The following TADA3 variants were observed in gnomAD, a reference collection of about 807,000 sequenced individuals.
The protein encoded by TADA3 is transcriptional adaptor 3.
Under a neutral mutation model 43.2 loss-of-function variants are expected in TADA3, and 25 were observed. The ratio of observed to expected loss-of-function variants is 0.58; its 90% confidence interval spans 0.42 to 0.81. The LOEUF (loss-of-function observed/expected upper bound fraction) is 0.81, where lower values mean the gene tolerates loss of function less well. TADA3 is among the 30% of genes least tolerant of loss of function. The pLI is 0.00. For synonymous variants in TADA3, 235 were observed against 225.5 expected (o/e 1.04, Z -0.38); for missense variants, 441 against 567.8 (o/e 0.78, Z 2.27).
chr3:9,787,541 T>C, intron 4 of TADA3: 1 of 983,678 alleles, frequency 1.0e-6, no homozygotes, highest in Non-Finnish European at 1.5e-6. Context: ...CAAAAAGAAC[T>C]AAGACACACA....
intron 6 of TADA3, among the ~76,000 whole-genome samples, chr3:9,786,754 T>G (rs574432875): frequency 6.6e-6 from 1 of 152,352 alleles, no homozygotes; most frequent in Non-Finnish European, 1.5e-5. Flanking sequence ...TGTTTCATTT[T>G]GTAATCTCCA....
intron 2 of TADA3, among the ~76,000 whole-genome samples, chr3:9,790,783 A>G (rs185756876): frequency 3.3e-5 from 5 of 152,346 alleles, no homozygotes; most frequent in Admixed American, 1.3e-4. Context: ...AGGGAAACTG[A>G]CACTCAGAGA....
intron 1 of TADA3, among the ~76,000 whole-genome samples, chr3:9,791,803 C>A (rs537783766): frequency 6.6e-6 from 1 of 151,864 alleles, no homozygotes; most frequent in South Asian, 2.1e-4. Flanking sequence ...GCAATTTGAA[C>A]CCCGCTAGTC....
rs753170899 is a variant in TADA3 at position 9,787,333 on chromosome 3, G to A, written c.572C>T (p.Pro191Leu). ...EDEAEHYKIP[P>L]LGKHYSQRWA... ...GCGCTGGGAGTAGTGCTTCCCCAGG[G>A]GTGGGATCTGTGGAAAAGATGGCAC... The change falls in exon 5 of 9, where the codon CCC (proline) becomes CTC (leucine). Residue 191 changes from proline (P) to leucine (L), a missense_variant. Transcript: ENST00000301964. The A allele has an allele frequency of 6.2e-7, 1 of 1,609,164 alleles. No individual in the cohort carries two copies. Among genetic ancestry groups the A allele is most frequent in the East Asian group, 2.2e-5 (1 of 44,866 alleles).
At chr3:9,787,769 G>A in intron 4 of TADA3, 1 of 1,217,286 alleles carries the variant, frequency 8.2e-7, no homozygotes, top group South Asian at 1.3e-5. Context: ...GAAAGAGAGA[G>A]ATCAAAGTGT....
intron 8 of TADA3, chr3:9,781,733 T>G (rs2078470906): frequency 5.0e-6 from 2 of 397,444 alleles, no homozygotes; most frequent in Non-Finnish European, 1.0e-5. Context: ...GATGCTCAGG[T>G]CAGGGGCTGC....
At chr3:9,783,088 A>T (rs2078518129) in intron 8 of TADA3, 1 of 152,200 alleles carries the variant, frequency 6.6e-6, no homozygotes. Flanking sequence ...AGCAAATAAA[A>T]ATCACAGATC....
intron 4 of TADA3, 191 bp from the exon 5 acceptor site, chr3:9,787,531 C>T: frequency 1.0e-6 from 1 of 1,003,490 alleles, no homozygotes; most frequent in South Asian, 1.7e-5. Flanking sequence ...GAGACAGGTC[C>T]AAAAAGAACT....
intron 6 of TADA3, 140 bp from the exon 7 acceptor site, chr3:9,785,565 T>C: frequency 1.7e-6 from 1 of 596,940 alleles, no homozygotes; most frequent in Admixed American, 2.9e-5. Flanking sequence ...AGCCTTCCCA[T>C]ACCAATCCCA....
intron 6 of TADA3, among the ~76,000 whole-genome samples, chr3:9,785,923 C>G (rs1331037069): frequency 6.6e-6 from 1 of 151,158 alleles, no homozygotes; most frequent in Non-Finnish European, 1.5e-5. Context: ...CCTTCACACA[C>G]TCCTCCTTGT....
At position 9,780,104 on chromosome 3, in the gene TADA3, A is replaced by G. The variant is rs1056018364; in HGVS notation, c.*253T>C. On this transcript the variant is annotated 3_prime_UTR_variant, in exon 9 of 9. Transcript: ENST00000301964. ...GGTAAAGAGGGGAAGAGGAAGACCC[A>G]GAAACGAAGTCCCCTCCAACCCCAT... 7.6e-6 allele frequency: 3 copies of G among 392,900 alleles called. No homozygotes were observed. Among genetic ancestry groups the G allele is most frequent in the Admixed American group, 8.5e-5 (2 of 23,428 alleles). 24.3% of individuals were successfully genotyped at this position (392,900 alleles called of 1,614,324 possible).
At chr3:9,792,493 G>A, upstream of TADA3, 1 of 1,212,018 alleles carries the variant, frequency 8.3e-7, no homozygotes, top group Non-Finnish European at 1.0e-6. Flanking sequence ...CGGGCCCCTT[G>A]CAGTTGACGC....
At chr3:9,787,781 G>A in intron 4 of TADA3, 1 of 1,164,362 alleles carries the variant, frequency 8.6e-7, no homozygotes, top group South Asian at 1.3e-5. Context: ...TCAAAGTGTT[G>A]TGGCAGCACA....
In TADA3 at chr3:9,784,864, CA is replaced by C. The variant is rs56673103; in HGVS notation, c.920+451del. Among the ~76,000 whole-genome samples, 821 of 97,254 alleles carry C rather than the reference CA, an allele frequency of 8.4e-3. 5 individuals carry two copies. Among genetic ancestry groups the C allele is most frequent in the African/African-American group, 0.025 (642 of 25,908 alleles). 63.8% of individuals were successfully genotyped at this position (97,254 alleles called of 152,430 possible). ...AAACGACAAGAGCGAGACTCCATCT[CA>C]AAAAAAAAAAAAGAAAAAGAAAAAA... On this transcript the variant is annotated intron_variant, in intron 7 of 8. Coordinates refer to ENST00000301964, the MANE Select transcript of TADA3 (RefSeq NM_006354.5).
chr3:9,782,036 C>G lies in TADA3; in HGVS notation c.1107-1487G>C, dbSNP rs1339853597. ...ATTTTTAGTAGAGAAGGGGGTCTGA[C>G]TACATTGCCCAGGCTAGTTTCGAAC... On this transcript the variant is annotated intron_variant, in intron 8 of 8. Transcript: ENST00000301964. Among the ~76,000 whole-genome samples the G allele has an allele frequency of 5.4e-4, 82 of 151,942 alleles. 2 individuals are homozygous for G. Among genetic ancestry groups the G allele is most frequent in the Non-Finnish European group, 1.2e-4 (8 of 67,974 alleles).
In TADA3 at chr3:9,789,563, G is replaced by C. The variant is rs1298589632; in HGVS notation, c.510C>G (p.Val170=). 1 of 1,614,146 alleles carries C rather than the reference G, an allele frequency of 6.2e-7. No individual in the cohort carries two copies. The highest frequency in any genetic ancestry group is 1.1e-5 in the South Asian group (1 of 91,076). ...GCTTCAGTAACTCCTCAAGTGTGCG[G>C]ACCTCCTCGCTGGTGATGTCAGCAC... ...PYCADITSEE[V]RTLEELLKPP... Residue 170 remains valine, a synonymous_variant, in exon 4 of 9, where the codon GTC becomes GTG. Coordinates refer to ENST00000301964, the MANE Select transcript of TADA3 (RefSeq NM_006354.5).
In TADA3 at chr3:9,788,394, C is replaced by T. The variant is rs564069167; in HGVS notation, c.565-1054G>A. Among the ~76,000 whole-genome samples the T allele has an allele frequency of 9.6e-3, 1,453 of 151,912 alleles. 15 individuals are homozygous for T. The highest frequency in any genetic ancestry group is 0.017 in the Non-Finnish European group (1,154 of 67,930). ...CCGAGCAGCTGGGACTACAGGCGCC[C>T]GCCACCACGCCCGGCTAATTTTTTC... On this transcript the variant is annotated intron_variant, in intron 4 of 8. Transcript: ENST00000301964.
chr3:9,786,890 C>T (rs2078627085), intron 6 of TADA3, 116 bp downstream of exon 6: 1 of 942,768 alleles, frequency 1.1e-6, no homozygotes, highest in Non-Finnish European at 1.6e-6. Context: ...TTTACTTTTG[C>T]ACCAACCTAT....
At position 9,784,102 on chromosome 3, in the gene TADA3, A is replaced by C. The variant is rs754392527; in HGVS notation, c.1032T>G (p.Ala344=). Residue 344 remains alanine, a synonymous_variant, in exon 8 of 9, where the codon GCT becomes GCG. Transcript: ENST00000301964. ...GCTCAGCCTGCCGTTTGCGAAGCTC[A>C]GCAAGGACCTCATCCTCGGAGTCCT... ...PAEDSEDEVL[A]ELRKRQAELK... 1.2e-5 allele frequency: 20 copies of C among 1,614,080 alleles called. No individual in the cohort carries two copies. Among genetic ancestry groups the C allele is most frequent in the Middle Eastern group, 1.6e-4 (1 of 6,084 alleles).
Sources: gnomAD v4.1 joint callset for allele counts (sites outside exome capture counted in the v4.1 genomes callset) on GRCh38, gnomAD v4.1.1 for gene constraint, MANE v1.5 for transcripts, NCBI Gene and HGNC (gene_info 2026-07-23, HGNC 2026-07-21) for gene names.